C4orf54: variants seen among roughly 807,000 people sequenced by gnomAD.
C4orf54 encodes the protein chromosome 4 open reading frame 54.
C4orf54 carries 67 observed loss-of-function variants against 80.1 expected under a neutral mutation model. The ratio of observed to expected loss-of-function variants is 0.84; its 90% confidence interval spans 0.69 to 1.03. C4orf54 has a LOEUF of 1.03. Ranked by LOEUF, C4orf54 falls within the 50% of genes least tolerant of loss-of-function variation. C4orf54 has a pLI of 0.00. For missense variants in C4orf54, 2,434 were observed against 2,253.5 expected, an observed-to-expected ratio of 1.08 and a Z score of -1.62; for synonymous variants, 1,000 against 917.0, an observed-to-expected ratio of 1.09 and a Z score of -1.64.
intron 1 of C4orf54, among the ~76,000 whole-genome samples, chr4:99,656,925 G>C (rs1726988285): frequency 6.6e-6 from 1 of 152,146 alleles, no homozygotes; most frequent in Admixed American, 6.5e-5. Flanking sequence ...TATCCACTAG[G>C]CAATTTCATT....
rs898021347 is a variant in C4orf54 at position 99,652,763 on chromosome 4, C to G, written c.1886G>C (p.Arg629Pro). 3 of 1,536,110 alleles carry G rather than the reference C, an allele frequency of 2.0e-6. No individual in the cohort carries two copies. The highest frequency in any genetic ancestry group is 1.7e-6 in the Non-Finnish European group (2 of 1,146,904). ...GGGGTAAGCCAGGCTCCGGAAGGCC[C>G]GGGAGGTCAGGTTACGCACCTCTTT... Reference protein sequence around the residue: ...ADKEVRNLTSRAFRSLAYPYF... With the variant: ...ADKEVRNLTSPAFRSLAYPYF... Residue 629 changes from arginine to proline, a missense_variant, in exon 2 of 3, where the codon CGG (arginine) becomes CCG (proline). By Grantham distance (103) the Arg-to-Pro change is moderately radical. Transcript: ENST00000511828.
At chr4:99,642,708 G>A (rs1280169850) in intron 2 of C4orf54, among the ~76,000 whole-genome samples, 1 of 152,232 alleles carries the variant, frequency 6.6e-6, no homozygotes, top group Non-Finnish European at 1.5e-5. Context: ...TCACGAAGAA[G>A]TCAGTAAAGA....
In C4orf54 at chr4:99,650,902, T is replaced by G. The variant is rs1349574531; in HGVS notation, c.3747A>C (p.Pro1249=). ...TCAGCTTCTCCAGGGCATTCCGGGC[T>G]GGCTTCGTGGCTTTCCCTTCCTCCT... is the stretch of plus-strand genomic sequence containing the variant. ...EVKEEGKATK[P]ARNALEKLTA... is the part of the protein sequence containing the mutation. The change falls in exon 2 of 3, where the codon CCA becomes CCC. Residue 1249 remains proline (P), a synonymous_variant. Coordinates refer to ENST00000511828, the MANE Select transcript of C4orf54 (RefSeq NM_001354435.2). The G allele has an allele frequency of 1.3e-6, 2 of 1,536,014 alleles. No homozygotes were observed. Among genetic ancestry groups the G allele is most frequent in the Non-Finnish European group, 1.7e-6 (2 of 1,146,836 alleles).
Position 99,650,578 on chromosome 4 carries a change from C to T in C4orf54, c.4071G>A (p.Ala1357=), listed in dbSNP as rs909580753. The part of the protein sequence containing the change: ...PSAESVSARA[A]AFENLARERP... Reference sequence around the variant, plus strand: ...TTTCCCTGGCCAGGTTCTCAAAGGCCGCTGCCCTGGCAGACACACTCTCAG... The same window carrying T: ...TTTCCCTGGCCAGGTTCTCAAAGGCTGCTGCCCTGGCAGACACACTCTCAG... The change falls in exon 2 of 3, where the codon GCG becomes GCA. Residue 1357 remains alanine, a synonymous_variant. Transcript: ENST00000511828. The T allele has an allele frequency of 4.4e-5, 67 of 1,536,030 alleles. No homozygotes were observed. Among genetic ancestry groups the T allele is most frequent in the Admixed American group, 4.3e-4 (22 of 50,994 alleles).
In C4orf54 at chr4:99,654,064, C is replaced by A; in HGVS notation, c.585G>T (p.Val195=). ...SASSQREAKY[V]DMCASAEVQR... is the part of the protein sequence containing the mutation. ...GGACTTCAGCTGAAGCACACATGTC[C>A]ACATATTTCGCTTCTCGCTGGGAGG... The change falls in exon 2 of 3, where the codon GTG becomes GTT. Residue 195 remains valine (V), a synonymous_variant. Coordinates refer to ENST00000511828, the MANE Select transcript of C4orf54 (RefSeq NM_001354435.2). 6.5e-7 allele frequency: 1 copy of A among 1,536,100 alleles called. No individual in the cohort carries two copies. Among genetic ancestry groups the A allele is most frequent in the Non-Finnish European group, 8.7e-7 (1 of 1,146,914 alleles).
chr4:99,655,455 C>G (rs1199811204), intron 1 of C4orf54, among the ~76,000 whole-genome samples: 1 of 152,214 alleles, frequency 6.6e-6, no homozygotes, highest in East Asian at 1.9e-4. Context: ...TTCGGTTACG[C>G]TGGCTGAATT....
rs1365126182 is a variant in C4orf54 at position 99,650,526 on chromosome 4, C to G, written c.4123G>C (p.Val1375Leu). The G allele has an allele frequency of 6.5e-7, 1 of 1,536,052 alleles. No homozygotes were observed. Among genetic ancestry groups the G allele is most frequent in the African/African-American group, 1.4e-5 (1 of 73,146 alleles). ...ERPRSLYIPPVHKDVERTQPL... is the reference protein window; with the variant it reads ...ERPRSLYIPPLHKDVERTQPL... ...TGGGTTCTCTCTACATCCTTGTGGA[C>G]TGGGGGAATATAGAGAGATCGGGGT... Residue 1375 changes from valine (V) to leucine (L), a missense_variant, in exon 2 of 3, where the codon GTC becomes CTC. Val to Leu is a conservative substitution (Grantham distance 32). Transcript: ENST00000511828.
intron 2 of C4orf54, among the ~76,000 whole-genome samples, chr4:99,645,180 C>T (rs1726679429): frequency 1.3e-5 from 2 of 151,896 alleles, no homozygotes; most frequent in South Asian, 4.1e-4. Flanking sequence ...CTTGGAATTT[C>T]AATACAAAGA....
In C4orf54 at chr4:99,653,401, T is replaced by G; in HGVS notation, c.1248A>C (p.Pro416=). The G allele has an allele frequency of 6.5e-7, 1 of 1,536,260 alleles. No individual in the cohort carries two copies. The highest frequency in any genetic ancestry group is 8.7e-7 in the Non-Finnish European group (1 of 1,146,892). The change falls in exon 2 of 3, where the codon CCA becomes CCC. Residue 416 remains proline (P), a synonymous_variant. Coordinates refer to ENST00000511828, the MANE Select transcript of C4orf54 (RefSeq NM_001354435.2). ...YASFGGSDET[P]GDITSLTEED... ...CTTCGGTCAGACTGGTGATGTCCCC[T>G]GGGGTCTCGTCGCTGCCACCAAAGG...
chr4:99,649,341 G>T lies in C4orf54; in HGVS notation c.5308C>A (p.Pro1770Thr). 6.5e-7 allele frequency: 1 copy of T among 1,536,108 alleles called. No homozygotes were observed. The highest frequency in any genetic ancestry group is 1.2e-5 in the South Asian group (1 of 84,052). The change falls in exon 2 of 3, where the codon CCC becomes ACC. Residue 1770 changes from proline to threonine, a missense_variant. Coordinates refer to ENST00000511828, the MANE Select transcript of C4orf54 (RefSeq NM_001354435.2). ...GKPVISITSQ[P>T]LGPRIIAPPS... ...GGAGCAATGATCCGTGGCCCCAGGGGCTGCGAAGTAATGCTGATGACAGGC... is the reference window on the plus strand; with the variant it reads ...GGAGCAATGATCCGTGGCCCCAGGGTCTGCGAAGTAATGCTGATGACAGGC...
Position 99,649,223 on chromosome 4 carries a change from T to A in C4orf54, c.*36+8A>T, listed in dbSNP as rs1440888537. ...TTAAACCTGATTATCAAAGTGAAATTCACTTACCAGCAGTTTTTCATTCCG... is the reference window on the plus strand; with the variant it reads ...TTAAACCTGATTATCAAAGTGAAATACACTTACCAGCAGTTTTTCATTCCG... On this transcript the variant is annotated splice_region_variant and intron_variant, in intron 2 of 2. Transcript: ENST00000511828. The A allele has an allele frequency of 2.7e-6, 4 of 1,456,580 alleles. No homozygotes were observed. Among genetic ancestry groups the A allele is most frequent in the Non-Finnish European group, 3.6e-6 (4 of 1,108,634 alleles). The allele number at this position is 1,456,580 out of a possible 1,614,324, so 90.2% of individuals were successfully genotyped here.
In C4orf54 at chr4:99,654,554, C is replaced by T. The variant is rs17029277; in HGVS notation, c.95G>A (p.Arg32Gln). The stretch of plus-strand genomic sequence containing the variant: ...TCCTGTCCAGTTGTTTGCCTGGCAC[C>T]GTCGGCAGCAGCGAGGAGTCTGAAT... Reference protein sequence around the residue: ...DGIQTPRCCRRCQANNWTGQL... With the variant: ...DGIQTPRCCRQCQANNWTGQL... The change falls in exon 2 of 3, where the codon CGG (arginine) becomes CAG (glutamine). Residue 32 changes from arginine to glutamine, a missense_variant. Coordinates refer to ENST00000511828, the MANE Select transcript of C4orf54 (RefSeq NM_001354435.2). 127,850 of 702,848 alleles carry T rather than the reference C, an allele frequency of 0.18. 14,127 individuals carry two copies. The highest frequency in any genetic ancestry group is 0.45 in the East Asian group (16,677 of 37,252). The allele number at this position is 702,848 out of a possible 1,614,324, so 43.5% of individuals were successfully genotyped here.
chr4:99,651,156 T>C lies in C4orf54; in HGVS notation c.3493A>G (p.Ser1165Gly). The C allele has an allele frequency of 6.5e-7, 1 of 1,536,180 alleles. No homozygotes were observed. The highest frequency in any genetic ancestry group is 8.7e-7 in the Non-Finnish European group (1 of 1,146,914). Residue 1165 changes from serine to glycine, a missense_variant, in exon 2 of 3, where the codon AGC (serine) becomes GGC (glycine). Ser to Gly is a moderately conservative substitution (Grantham distance 56). Transcript: ENST00000511828. ...CQAVVNQRED[S>G]MDREPRESMG... The stretch of plus-strand genomic sequence containing the variant: ...CTTTCCCTGGGCTCTCGGTCCATGC[T>C]GTCTTCCCTCTGGTTCACTACAGCC...
At position 99,651,751 on chromosome 4, in the gene C4orf54, C is replaced by T. The variant is rs1726833499; in HGVS notation, c.2898G>A (p.Leu966=). The change falls in exon 2 of 3, where the codon CTG becomes CTA. Residue 966 remains leucine (L), a synonymous_variant. Transcript: ENST00000511828. ...CAGCCCGCCAGTCGCCTCCTTTGGG[C>T]AGCTTCAGCTTCCCTATAGGGGCTT... ...EEQAPIGKLK[L]PKGGDWRADL... 1.3e-6 allele frequency: 2 copies of T among 1,535,970 alleles called. No individual in the cohort carries two copies. Among genetic ancestry groups the T allele is most frequent in the African/African-American group, 1.4e-5 (1 of 73,030 alleles).
In C4orf54 at chr4:99,650,803, C is replaced by T. The variant is rs1443280240; in HGVS notation, c.3846G>A (p.Leu1282=). The T allele has an allele frequency of 2.0e-6, 3 of 1,536,066 alleles. No homozygotes were observed. Among genetic ancestry groups the T allele is most frequent in the Non-Finnish European group, 2.6e-6 (3 of 1,146,920 alleles). ...RNEWKRKSDP[L]PMMMDSHVLS... ...GCACGTGGCTGTCCATCATCATAGG[C>T]AAGGGGTCGCTTTTGCGCTTCCACT... Residue 1282 remains leucine (L), a synonymous_variant, in exon 2 of 3, where the codon TTG becomes TTA. Transcript: ENST00000511828.
In C4orf54 at chr4:99,654,184, T is replaced by C. The variant is rs1726936304; in HGVS notation, c.465A>G (p.Lys155=). ...MEAAPPELNS[K]ARQAEVGDGV... ...CGTCCCCCACCTCCGCCTGTCTTGC[T>C]TTCGAATTCAGCTCAGGAGGGGCAG... is the stretch of plus-strand genomic sequence containing the variant. Residue 155 remains lysine, a synonymous_variant, in exon 2 of 3, where the codon AAA becomes AAG. Coordinates refer to ENST00000511828, the MANE Select transcript of C4orf54 (RefSeq NM_001354435.2). The C allele has an allele frequency of 2.6e-6, 4 of 1,536,092 alleles. No individual in the cohort carries two copies. Among genetic ancestry groups the C allele is most frequent in the Admixed American group, 2.0e-5 (1 of 50,984 alleles).
In C4orf54 at chr4:99,650,099, C is replaced by T; in HGVS notation, c.4550G>A (p.Ser1517Asn). 4 of 1,535,874 alleles carry T rather than the reference C, an allele frequency of 2.6e-6. No individual in the cohort carries two copies. The highest frequency in any genetic ancestry group is 3.5e-6 in the Non-Finnish European group (4 of 1,146,864). The change falls in exon 2 of 3, where the codon AGT (serine) becomes AAT (asparagine). Residue 1517 changes from serine to asparagine, a missense_variant. By Grantham distance (46) the Ser-to-Asn change is conservative. Transcript: ENST00000511828. ...ACTAACCTGAGAGCCTTTGGAGCTA[C>T]TGGGGACCTGACTGCGGGCACTCAG... ...PPLSARSQVP[S>N]SSKGSQVSGT...
rs559162622 is a variant in C4orf54, at chr4:99,642,023, C to A, written c.*37-827G>T. 1.5e-4 allele frequency among the ~76,000 whole-genome samples: 23 copies of A among 152,132 alleles called. 1 individual carries two copies. The highest frequency in any genetic ancestry group is 5.1e-4 in the African/African-American group (21 of 41,506). On this transcript the variant is annotated intron_variant, in intron 2 of 2. Coordinates refer to ENST00000511828, the MANE Select transcript of C4orf54 (RefSeq NM_001354435.2). ...GCAAGGGACATTTTAATTCTGTCATCTAGAAACAAACCTGTTTAAATATGT... is the reference window on the plus strand; with the variant it reads ...GCAAGGGACATTTTAATTCTGTCATATAGAAACAAACCTGTTTAAATATGT...
rs1368247878 is a variant in C4orf54, at chr4:99,652,086, C to A, written c.2563G>T (p.Glu855Ter). The change falls in exon 2 of 3, where the codon GAG (glutamate) becomes TAG (stop). Residue 855 changes from glutamate (E) to a stop codon, truncating the protein, a stop_gained. Coordinates refer to ENST00000511828, the MANE Select transcript of C4orf54 (RefSeq NM_001354435.2). LOFTEE classifies it high-confidence loss of function. Reference protein sequence around the residue: ...SKETEGARGSERQRERGLQRQ... With the variant: ...SKETEGARGS ...TGCAGGCCCCTCTCTCGCTGCCTCT[C>A]GCTCCCGCGGGCGCCCTCCGTCTCC... 1 of 1,536,094 alleles carries A rather than the reference C, an allele frequency of 6.5e-7. No individual in the cohort carries two copies. Among genetic ancestry groups the A allele is most frequent in the Non-Finnish European group, 8.7e-7 (1 of 1,146,882 alleles).
Sources: gnomAD v4.1 joint callset for allele counts (sites outside exome capture counted in the v4.1 genomes callset) on GRCh38, gnomAD v4.1.1 for gene constraint, MANE v1.5 for transcripts, NCBI Gene and HGNC (gene_info 2026-07-23, HGNC 2026-07-21) for gene names.